The following CD72 variants were observed in gnomAD, a reference collection of about 807,000 sequenced individuals.
CD72 encodes the protein CD72 molecule.
In CD72, 28 loss-of-function variants were observed where a neutral mutation model predicts 50.7. The observed-to-expected ratio is 0.55, with a 90% CI of 0.41 to 0.76. The LOEUF is 0.76. Ranked by LOEUF, CD72 falls within the 30% of genes least tolerant of loss-of-function variation. The pLI is 0.00. For missense variants in CD72, 403 were observed against 420.6 expected (o/e 0.96, Z 0.37); for synonymous variants, 176 against 171.2 (o/e 1.03, Z -0.22).
rs973004396 is a variant in CD72 at position 35,613,368 on chromosome 9, G to A, written c.689-375C>T. On this transcript the variant is annotated intron_variant, in intron 5 of 8. Transcript: ENST00000259633. ...CACTCCTCCAGCACTGGCCCCCTCCGTCCCTCTCCAATTTCCTACAAGCAG... is the reference window on the plus strand; with the variant it reads ...CACTCCTCCAGCACTGGCCCCCTCCATCCCTCTCCAATTTCCTACAAGCAG... Among the ~76,000 whole-genome samples the A allele has an allele frequency of 3.3e-5, 5 of 151,914 alleles. No individual in the cohort carries two copies. In the East Asian group the frequency reaches 9.7e-4, roughly 29 times the overall value.
chr9:35,627,729 G>T (rs1232004555), intron 1 of CD72, among the ~76,000 whole-genome samples: 1 of 152,196 alleles, frequency 6.6e-6, no homozygotes, highest in Non-Finnish European at 1.5e-5. Context: ...GTGGACAGAA[G>T]GGGAGGAAAA....
Position 35,616,294 on chromosome 9 carries a change from G to A in CD72, c.353-16C>T, listed in dbSNP as rs748129675. ...ACCTGCAGATCTGTTTGGCCACAGA[G>A]ATTTGGTGGATGTCTTCTCCAGCCC... On this transcript the variant is annotated splice_polypyrimidine_tract_variant and intron_variant, in intron 4 of 8. Coordinates refer to ENST00000259633, the MANE Select transcript of CD72 (RefSeq NM_001782.3). The A allele has an allele frequency of 4.3e-5, 69 of 1,596,806 alleles. No individual in the cohort carries two copies. In the South Asian group the frequency reaches 7.6e-4, roughly 18 times the overall value.
intron 5 of CD72, 42 bp from the exon 6 acceptor site, chr9:35,613,035 G>T: frequency 6.5e-7 from 1 of 1,549,118 alleles, no homozygotes; most frequent in Non-Finnish European, 8.8e-7. Flanking sequence ...CAGTTGGGAT[G>T]AAAGTGACTA....
In CD72 at chr9:35,611,840, T is replaced by C; in HGVS notation, c.914A>G (p.Lys305Arg). Residue 305 changes from lysine to arginine, a missense_variant, in exon 7 of 9, where the codon AAG (lysine) becomes AGG (arginine). Lys to Arg is a conservative substitution (Grantham distance 26, BLOSUM62 2). Transcript: ENST00000259633. ...TGTATCATCAGTCAACTTCCAATCC[T>C]TGTTAGAGCTGAGGCCAGTCCAATA... ...NSYWTGLSSN[K>R]DWKLTDDTQR... The C allele has an allele frequency of 2.5e-6, 4 of 1,612,374 alleles. No homozygotes were observed. Among genetic ancestry groups the C allele is most frequent in the Non-Finnish European group, 3.4e-6 (4 of 1,178,376 alleles).
intron 1 of CD72, among the ~76,000 whole-genome samples, chr9:35,644,418 G>A (rs1823368807): frequency 6.6e-6 from 1 of 150,928 alleles, no homozygotes; most frequent in South Asian, 2.1e-4. Flanking sequence ...TTCCTCCAGG[G>A]CTGTCAGACC....
At chr9:35,624,753 G>A (rs1395009509) in intron 1 of CD72, among the ~76,000 whole-genome samples, 2 of 152,060 alleles carry the variant, frequency 1.3e-5, no homozygotes, top group African/African-American at 4.8e-5. Flanking sequence ...TGCTCACTTC[G>A]TGTCTCTGTG....
chr9:35,610,720 T>TCC lies in CD72; in HGVS notation c.983_984insGG (p.His329AspfsTer25), dbSNP rs780141412. 13 of 1,612,618 alleles carry TCC rather than the reference T, an allele frequency of 8.1e-6. No individual in the cohort carries two copies. Among genetic ancestry groups the TCC allele is most frequent in the Non-Finnish European group, 1.0e-5 (12 of 1,178,840 alleles). ...GTGTCCACCATGACCAAGTTTTATG[T>TCC]ACCTTGTTACATTTTGAGCTTTGAG... On this transcript the variant is annotated frameshift_variant, in exon 8 of 9. Coordinates refer to ENST00000259633, the MANE Select transcript of CD72 (RefSeq NM_001782.3). LOFTEE classifies it high-confidence loss of function.
chr9:35,633,728 T>C (rs1194658486), intron 1 of CD72, among the ~76,000 whole-genome samples: 1 of 152,184 alleles, frequency 6.6e-6, no homozygotes, highest in East Asian at 1.9e-4. Context: ...TCTTGTTTGA[T>C]ATCAGTACAG....
intron 1 of CD72, among the ~76,000 whole-genome samples, chr9:35,634,632 C>T (rs773320565): frequency 6.6e-6 from 1 of 152,196 alleles, no homozygotes; most frequent in Non-Finnish European, 1.5e-5. Flanking sequence ...GGATTACAGG[C>T]GTGAGCCACC....
chr9:35,639,850 T>C (rs1440844958), intron 1 of CD72, among the ~76,000 whole-genome samples: 1 of 152,162 alleles, frequency 6.6e-6, no homozygotes, highest in Non-Finnish European at 1.5e-5. Context: ...AGTTGTTACT[T>C]TGCAAAATGG....
At chr9:35,617,040 C>A (rs1563895860) in intron 3 of CD72, 136 bp downstream of exon 3, 1 of 1,470,040 alleles carries the variant, frequency 6.8e-7, no homozygotes, top group Non-Finnish European at 9.0e-7. Context: ...GAATGTGGCA[C>A]GGCAGCCCGG....
intron 1 of CD72, among the ~76,000 whole-genome samples, chr9:35,643,853 C>T (rs1021827178): frequency 3.3e-5 from 5 of 151,826 alleles, no homozygotes; most frequent in Admixed American, 2.0e-4. Context: ...TGGCACGCCC[C>T]AATAATCCCA....
chr9:35,638,758 T>C (rs1823313491), intron 1 of CD72, among the ~76,000 whole-genome samples: 1 of 151,280 alleles, frequency 6.6e-6, no homozygotes, highest in Admixed American at 6.6e-5. Flanking sequence ...GAGCCAGGCC[T>C]CCAGGAAGGC....
chr9:35,624,592 C>T (rs1823178149), intron 1 of CD72, among the ~76,000 whole-genome samples: 1 of 152,096 alleles, frequency 6.6e-6, no homozygotes, highest in African/African-American at 2.4e-5. Flanking sequence ...GGGGTTAGGG[C>T]TGCTGCTACA....
chr9:35,628,549 T>C lies in CD72; in HGVS notation n.409-10428A>G, dbSNP rs568412432. 2.0e-5 allele frequency among the ~76,000 whole-genome samples: 3 copies of C among 152,352 alleles called. No homozygotes were observed. The East Asian group carries it at 5.8e-4, about 29-fold the overall frequency. Reference sequence around the variant, plus strand: ...GTGATGCTCGCTGCTCGGCAGATACTGTCAGTGCCTCAGCCATTTCTCCTC... The same window carrying C: ...GTGATGCTCGCTGCTCGGCAGATACCGTCAGTGCCTCAGCCATTTCTCCTC... On this transcript the variant is annotated intron_variant and non_coding_transcript_variant, in intron 1 of 3. Transcript: ENST00000465754.
chr9:35,643,595 C>T (rs746002984), intron 1 of CD72: 3 of 152,178 alleles, frequency 2.0e-5, no homozygotes, highest in Non-Finnish European at 2.9e-5. Flanking sequence ...ACTATGTGTT[C>T]CCAGTACTAG....
exon 1 of CD72, chr9:35,646,641 A>G (rs1468969634): frequency 6.6e-6 from 1 of 152,220 alleles, no homozygotes; most frequent in Non-Finnish European, 1.5e-5. Flanking sequence ...AACAAAGTTC[A>G]AATCATACCC....
At chr9:35,640,176 T>C (rs1037367313) in intron 1 of CD72, among the ~76,000 whole-genome samples, 9 of 152,254 alleles carry the variant, frequency 5.9e-5, no homozygotes, top group Non-Finnish European at 8.8e-5. Context: ...TAGTGCAGAC[T>C]CCATAAGTTA....
intron 7 of CD72, among the ~76,000 whole-genome samples, chr9:35,611,473 CCTT>C (rs1440452587): frequency 6.6e-6 from 1 of 152,134 alleles, no homozygotes; most frequent in South Asian, 2.1e-4. Flanking sequence ...GTTTGGGTGG[CCTT>C]CTCGAAGGAT....
Sources: gnomAD v4.1 joint callset for allele counts (sites outside exome capture counted in the v4.1 genomes callset) on GRCh38, gnomAD v4.1.1 for gene constraint, MANE v1.5 for transcripts, NCBI Gene and HGNC (gene_info 2026-07-23, HGNC 2026-07-21) for gene names.